EPS15: variants seen among roughly 807,000 people sequenced by gnomAD.
EPS15 encodes the protein epidermal growth factor receptor pathway substrate 15.
EPS15 carries 72 observed loss-of-function variants against 113.8 expected under a neutral mutation model. The ratio of observed to expected loss-of-function variants is 0.63; its 90% CI spans 0.52 to 0.77. The LOEUF is 0.77. EPS15 is among the 30% of genes least tolerant of loss of function. EPS15 has a pLI of 0.00. For missense variants in EPS15, 1,048 were observed against 1,045.8 expected (o/e 1.00, Z -0.03); for synonymous variants, 344 against 363.4 (o/e 0.95, Z 0.61).
chr1:51,402,566 A>G (rs1336941506), intron 17 of EPS15, 41 bp from the exon 18 acceptor site: 3 of 1,026,102 alleles, frequency 2.9e-6, no homozygotes, highest in East Asian at 5.2e-5. Flanking sequence ...TTAGAAACCA[A>G]AGTTTTAAAA....
intron 1 of EPS15, among the ~76,000 whole-genome samples, chr1:51,490,049 A>T (rs1203911559): frequency 6.6e-6 from 1 of 152,220 alleles, no homozygotes; most frequent in Non-Finnish European, 1.5e-5. Flanking sequence ...TCAACACCAA[A>T]GTGTATCAAG....
chr1:51,444,190 T>C (rs1419738097), intron 11 of EPS15, among the ~76,000 whole-genome samples: 1 of 152,204 alleles, frequency 6.6e-6, no homozygotes, highest in Non-Finnish European at 1.5e-5. Flanking sequence ...CACTATGGTA[T>C]GCAAGTCCTT....
At chr1:51,441,528 GAACAT>G (rs1199038216) in intron 11 of EPS15, among the ~76,000 whole-genome samples, 1 of 152,074 alleles carries the variant, frequency 6.6e-6, no homozygotes, top group African/African-American at 2.4e-5. Context: ...TTATATAACA[GAACAT>G]AAGACTTTGT....
At chr1:51,497,899 C>T (rs563822907) in intron 1 of EPS15, among the ~76,000 whole-genome samples, 4 of 151,304 alleles carry the variant, frequency 2.6e-5, no homozygotes, top group South Asian at 4.2e-4. Flanking sequence ...ATCGCTTGAA[C>T]GCAGGAGGCA....
intron 21 of EPS15, among the ~76,000 whole-genome samples, chr1:51,369,906 T>C (rs551363992): frequency 2.6e-5 from 4 of 152,248 alleles, no homozygotes; most frequent in East Asian, 3.9e-4. Flanking sequence ...GTTGAAAATA[T>C]GCAAAGAAAA....
At chr1:51,358,334 G>A (rs1293310994) in intron 24 of EPS15, among the ~76,000 whole-genome samples, 1 of 152,080 alleles carries the variant, frequency 6.6e-6, no homozygotes. Flanking sequence ...TCCAGGCTTT[G>A]GGAACTTTTA....
At chr1:51,391,213 G>C (rs1475175176) in intron 21 of EPS15, among the ~76,000 whole-genome samples, 1 of 151,840 alleles carries the variant, frequency 6.6e-6, no homozygotes, top group Non-Finnish European at 1.5e-5. Flanking sequence ...CTATCACAAG[G>C]ACAAAAAACC....
In EPS15 at chr1:51,461,154, A is replaced by G; in HGVS notation, c.502-4T>C. Reference sequence around the variant, plus strand: ...CAATATCACTCAACTCCCAAACCTTAAAAAGAGAATAATTGAAAAAAGATT... The same window carrying G: ...CAATATCACTCAACTCCCAAACCTTGAAAAGAGAATAATTGAAAAAAGATT... On this transcript the variant is annotated splice_region_variant and splice_polypyrimidine_tract_variant and intron_variant, in intron 7 of 24. Transcript: ENST00000371733. The G allele has an allele frequency of 6.3e-7, 1 of 1,585,454 alleles. No individual in the cohort carries two copies. The highest frequency in any genetic ancestry group is 8.7e-7 in the Non-Finnish European group (1 of 1,154,152).
intron 5 of EPS15, among the ~76,000 whole-genome samples, chr1:51,468,109 C>T (rs1021799372): frequency 6.6e-6 from 1 of 152,040 alleles, no homozygotes; most frequent in African/African-American, 2.4e-5. Flanking sequence ...GACGTGCACA[C>T]CAACACACTC....
chr1:51,363,470 A>T (rs907587233), intron 23 of EPS15, among the ~76,000 whole-genome samples: 1 of 152,172 alleles, frequency 6.6e-6, no homozygotes, highest in Admixed American at 6.6e-5. Flanking sequence ...CAGGAAAAGG[A>T]CTTTGAAACA....
intron 1 of EPS15, among the ~76,000 whole-genome samples, chr1:51,485,519 G>A (rs1004198312): frequency 2.6e-5 from 4 of 151,964 alleles, no homozygotes; most frequent in African/African-American, 9.7e-5. Flanking sequence ...CTTGAGCCCA[G>A]GAATTCATGA....
intron 12 of EPS15, among the ~76,000 whole-genome samples, chr1:51,427,130 T>C (rs1651291082): frequency 6.6e-6 from 1 of 152,142 alleles, no homozygotes; most frequent in African/African-American, 2.4e-5. Context: ...ACATAACTTA[T>C]GCCAGCATAC....
chr1:51,422,910 A>G (rs1279215750), intron 12 of EPS15, among the ~76,000 whole-genome samples: 1 of 152,240 alleles, frequency 6.6e-6, no homozygotes, highest in Non-Finnish European at 1.5e-5. Flanking sequence ...TTCGAGCTTC[A>G]AGACTACATT....
Position 51,504,288 on chromosome 1 carries a change from T to C in EPS15, c.33+14911A>G, listed in dbSNP as rs144082111. Among the ~76,000 whole-genome samples the C allele has an allele frequency of 1.5e-3, 234 of 152,192 alleles. 1 individual carries two copies. Among genetic ancestry groups the C allele is most frequent in the African/African-American group, 5.3e-3 (222 of 41,518 alleles). ...AGCTGGGCAAGGTGGCGTGCACTTG[T>C]AGTCCCAGCTACTGGGGAGGCTGAG... On this transcript the variant is annotated intron_variant, in intron 1 of 24. Coordinates refer to ENST00000371733, the MANE Select transcript of EPS15 (RefSeq NM_001981.3).
chr1:51,501,179 G>A (rs182443720), intron 1 of EPS15, among the ~76,000 whole-genome samples: 17 of 151,806 alleles, frequency 1.1e-4, no homozygotes, highest in African/African-American at 3.1e-4. Flanking sequence ...AGCCCGAGGC[G>A]GGCAGATCAC....
chr1:51,491,269 T>G (rs543429083), intron 1 of EPS15, among the ~76,000 whole-genome samples: 1 of 152,132 alleles, frequency 6.6e-6, no homozygotes, highest in African/African-American at 2.4e-5. Flanking sequence ...AATTCCACCT[T>G]CTATTACTCC....
intron 1 of EPS15, among the ~76,000 whole-genome samples, chr1:51,490,761 T>C (rs1421382499): frequency 6.6e-6 from 1 of 152,114 alleles, no homozygotes; most frequent in Non-Finnish European, 1.5e-5. Context: ...AGCAAGTCTT[T>C]ATTTTGATTA....
chr1:51,508,195 AAAGAAAAG>A (rs1234752082), intron 1 of EPS15, among the ~76,000 whole-genome samples: 2 of 65,792 alleles, frequency 3.0e-5, no homozygotes, highest in African/African-American at 1.0e-4. Context: ...AGAGAAAAGA[AAAGAAAAG>A]AAAAGAAAAG....
At chr1:51,488,095 T>A (rs1644158467) in intron 1 of EPS15, among the ~76,000 whole-genome samples, 1 of 152,188 alleles carries the variant, frequency 6.6e-6, no homozygotes, top group African/African-American at 2.4e-5. Flanking sequence ...CTGGAAACTC[T>A]GAGAATAAAC....
Sources: allele counts gnomAD v4.1 joint callset (sites outside exome capture counted in the v4.1 genomes callset), GRCh38; gene constraint gnomAD v4.1.1; transcripts MANE v1.5; gene names NCBI Gene and HGNC (gene_info 2026-07-23, HGNC 2026-07-21).